The following SNTG2 variants were observed in gnomAD, a reference collection of about 807,000 sequenced individuals.
The protein encoded by SNTG2 is syntrophin gamma 2, also known as gamma-2-syntrophin.
SNTG2 carries 74 observed loss-of-function variants against 70.9 expected under a neutral mutation model. The ratio of observed to expected loss-of-function variants is 1.04; its 90% CI spans 0.86 to 1.27. The LOEUF (loss-of-function observed/expected upper bound fraction) is 1.27, where lower values mean the gene tolerates loss of function less well. Ranked by LOEUF, SNTG2 falls within the 50% of genes most tolerant of loss-of-function variation. SNTG2 has a pLI of 0.00. For synonymous variants in SNTG2, 278 were observed against 273.8 expected, an observed-to-expected ratio of 1.02 and a Z score of -0.15; for missense variants, 717 against 690.7, an observed-to-expected ratio of 1.04 and a Z score of -0.43.
At chr2:1,213,650 C>T (rs1330607755) in intron 9 of SNTG2, among the ~76,000 whole-genome samples, 2 of 152,210 alleles carry the variant, frequency 1.3e-5, no homozygotes, top group South Asian at 4.1e-4. Flanking sequence ...ATGCCCACAG[C>T]CACTCAGCCT....
chr2:1,303,572 A>G (rs75740503), intron 14 of SNTG2, among the ~76,000 whole-genome samples: 3 of 152,228 alleles, frequency 2.0e-5, no homozygotes, highest in African/African-American at 7.2e-5. Flanking sequence ...TTTTGCCTCA[A>G]TAAACTAGAA....
chr2:1,361,855 T>C (rs199844161), intron 16 of SNTG2, among the ~76,000 whole-genome samples: 6 of 86,748 alleles, frequency 6.9e-5, no homozygotes, highest in African/African-American at 8.3e-5. Context: ...AGCATTTCAG[T>C]AGAACTTCCA....
In SNTG2 at chr2:1,035,875, G is replaced by A. The variant is rs1558329704; in HGVS notation, c.73-47643G>A. On this transcript the variant is annotated intron_variant, in intron 1 of 16. Transcript: ENST00000308624. ...GGAACATGAGTATTTGTCTACATGG[G>A]AAATCTATTTTTTTCCAAAATAAAC... 2.6e-5 allele frequency among the ~76,000 whole-genome samples: 4 copies of A among 152,226 alleles called. No homozygotes were observed. In the South Asian group the frequency reaches 6.2e-4, roughly 24 times the overall value.
chr2:1,203,667 A>C (rs28368924), intron 8 of SNTG2, among the ~76,000 whole-genome samples: 2,609 of 59,520 alleles, frequency 0.044, 35 homozygotes, highest in East Asian at 0.14. Flanking sequence ...AACAAACAAA[A>C]AAAAAAATAT....
chr2:955,852 C>T (rs751672228), intron 1 of SNTG2, among the ~76,000 whole-genome samples: 3 of 152,218 alleles, frequency 2.0e-5, no homozygotes, highest in Non-Finnish European at 4.4e-5. Flanking sequence ...ACAGGGAGGC[C>T]TCCCGTAGTC....
At chr2:1,002,399 TCAATAA>T (rs1242622726) in intron 1 of SNTG2, among the ~76,000 whole-genome samples, 2 of 151,876 alleles carry the variant, frequency 1.3e-5, no homozygotes, top group African/African-American at 4.8e-5. Context: ...TGCAAAAAAC[TCAATAA>T]CAAAAGCAAC....
chr2:1,054,743 AGTTAAT>A (rs1662281837), intron 1 of SNTG2, among the ~76,000 whole-genome samples: 1 of 152,226 alleles, frequency 6.6e-6, no homozygotes, highest in East Asian at 1.9e-4. Context: ...TATTATCTGA[AGTTAAT>A]GTTGATGTAT....
intron 7 of SNTG2, among the ~76,000 whole-genome samples, chr2:1,169,205 AAGAAG>A (rs1327645630): frequency 6.6e-6 from 1 of 152,308 alleles, no homozygotes; most frequent in East Asian, 1.9e-4. Context: ...CCAGAAAGAA[AAGAAG>A]AGAAGATAGT....
chr2:1,210,309 GGT>G (rs1165026069), intron 9 of SNTG2: 2 of 152,184 alleles, frequency 1.3e-5, no homozygotes, highest in African/African-American at 4.8e-5. Context: ...TGGAAAGACA[GGT>G]AGGTGAATAT....
intron 1 of SNTG2, among the ~76,000 whole-genome samples, chr2:955,667 G>T (rs1306929508): frequency 6.6e-6 from 1 of 152,214 alleles, no homozygotes; most frequent in African/African-American, 2.4e-5. Flanking sequence ...ATAGGTAAGG[G>T]CACAGCCATG....
At chr2:1,068,535 A>G (rs1663307358) in intron 1 of SNTG2, among the ~76,000 whole-genome samples, 1 of 152,176 alleles carries the variant, frequency 6.6e-6, no homozygotes, top group Admixed American at 6.5e-5. Flanking sequence ...GAGTGATAAA[A>G]TGCTTAAGAA....
chr2:1,173,768 C>A (rs539192193), intron 8 of SNTG2, among the ~76,000 whole-genome samples: 2 of 152,360 alleles, frequency 1.3e-5, no homozygotes, highest in Non-Finnish European at 2.9e-5. Context: ...TCTGAGAGAA[C>A]CTGCAGCTCC....
intron 16 of SNTG2, among the ~76,000 whole-genome samples, chr2:1,358,634 T>G (rs1217293262): frequency 3.9e-5 from 6 of 152,172 alleles, no homozygotes; most frequent in African/African-American, 1.2e-4. Flanking sequence ...GTGTGTTGTT[T>G]AATTTCCACA....
chr2:1,365,833 A>G (rs1230418511), intron 16 of SNTG2, among the ~76,000 whole-genome samples: 1 of 152,172 alleles, frequency 6.6e-6, no homozygotes, highest in African/African-American at 2.4e-5. Context: ...GTTTGAAGTC[A>G]TTTTTGAGAT....
At chr2:1,366,519 G>C (rs1661493569) in intron 16 of SNTG2, among the ~76,000 whole-genome samples, 1 of 152,178 alleles carries the variant, frequency 6.6e-6, no homozygotes, top group Admixed American at 6.5e-5. Flanking sequence ...GTAACATGCG[G>C]AGGTAAGGAT....
chr2:1,129,206 G>C (rs1180740759), intron 4 of SNTG2, among the ~76,000 whole-genome samples: 1 of 152,198 alleles, frequency 6.6e-6, no homozygotes, highest in Admixed American at 6.5e-5. Context: ...GATTTCCTAA[G>C]AAAACTACAG....
chr2:1,157,425 C>T (rs76966221), intron 6 of SNTG2, among the ~76,000 whole-genome samples: 6,193 of 152,270 alleles, frequency 0.041, 221 homozygotes, highest in South Asian at 0.18. Context: ...GCAAAAGCCC[C>T]CCAGACACTC....
rs1437054095 is a variant in SNTG2, at chr2:1,145,075, TAA to T, written c.411+7267_411+7268del. ...TTGTGGGATGCAGTGAAAGCAGTGA[TAA>T]GAAAGAAATATATAGAATTGAAAGC... On this transcript the variant is annotated intron_variant, in intron 6 of 16. Coordinates refer to ENST00000308624, the MANE Select transcript of SNTG2 (RefSeq NM_018968.4). Among the ~76,000 whole-genome samples the T allele has an allele frequency of 2.6e-5, 4 of 152,198 alleles. No homozygotes were observed. The East Asian group carries it at 7.7e-4, about 29-fold the overall frequency.
rs56282433 is a variant in SNTG2 at position 1,327,220 on chromosome 2, T to C, written c.1488+10845T>C. ...CAACAATTTATGAATACACATTTTA[T>C]AATCTTAGAAACATAGGCTTTCTAA... On this transcript the variant is annotated intron_variant, in intron 16 of 16. Transcript: ENST00000308624. Among the ~76,000 whole-genome samples the C allele has an allele frequency of 5.6e-3, 850 of 152,226 alleles. 5 individuals are homozygous for C. Among genetic ancestry groups the C allele is most frequent in the African/African-American group, 0.019 (789 of 41,570 alleles).
Sources: gnomAD v4.1 joint callset for allele counts (sites outside exome capture counted in the v4.1 genomes callset) on GRCh38, gnomAD v4.1.1 for gene constraint, MANE v1.5 for transcripts, NCBI Gene and HGNC (gene_info 2026-07-23, HGNC 2026-07-21) for gene names.